The following NCALD variants were observed in gnomAD, a reference collection of about 807,000 sequenced individuals.
NCALD encodes the protein neurocalcin-delta.
Under a neutral mutation model 18.6 loss-of-function variants are expected in NCALD, and 10 were observed. The ratio of observed to expected loss-of-function variants is 0.54; its 90% CI spans 0.33 to 0.91. The LOEUF (loss-of-function observed/expected upper bound fraction) is 0.91. Ranked by LOEUF, NCALD falls within the 40% of genes least tolerant of loss-of-function variation. The probability of loss-of-function intolerance (pLI) is 0.03; values close to 1 mark genes in which losing one functional copy is unlikely to be tolerated. For synonymous variants in NCALD, 88 were observed against 87.4 expected (o/e 1.01, Z -0.04); for missense variants, 184 against 247.6 (o/e 0.74, Z 1.72).
chr8:101,783,126 A>G (rs900845720), intron 1 of NCALD, among the ~76,000 whole-genome samples: 2 of 152,222 alleles, frequency 1.3e-5, no homozygotes, highest in Admixed American at 6.5e-5. Context: ...CATGAAAGGA[A>G]TATTTTCATA....
At chr8:101,758,356 A>C (rs1213248548) in intron 1 of NCALD, among the ~76,000 whole-genome samples, 2 of 151,806 alleles carry the variant, frequency 1.3e-5, no homozygotes, top group African/African-American at 2.4e-5. Context: ...CACTGTTCCT[A>C]CTCATCCTGC....
At chr8:101,983,994 C>A (rs553056725) in intron 2 of NCALD, among the ~76,000 whole-genome samples, 3 of 152,190 alleles carry the variant, frequency 2.0e-5, no homozygotes, top group Admixed American at 6.5e-5. Context: ...GTAAATAGGT[C>A]TCTCCTGAAT....
intron 2 of NCALD, among the ~76,000 whole-genome samples, chr8:101,701,114 C>T (rs1262250857): frequency 2.6e-5 from 4 of 152,138 alleles, no homozygotes; most frequent in Admixed American, 1.3e-4. Flanking sequence ...GGGTGACAGC[C>T]CTGCAGAGCC....
chr8:102,063,061 G>T (rs1823898111), intron 1 of NCALD, among the ~76,000 whole-genome samples: 1 of 152,118 alleles, frequency 6.6e-6, no homozygotes, highest in Non-Finnish European at 1.5e-5. Context: ...TTATATGCTT[G>T]TAGTCTCATA....
At chr8:101,945,511 G>C (rs1170682679) in intron 2 of NCALD, among the ~76,000 whole-genome samples, 1 of 152,168 alleles carries the variant, frequency 6.6e-6, no homozygotes, top group African/African-American at 2.4e-5. Flanking sequence ...TTAATGACTG[G>C]AGTTGCTATC....
intron 1 of NCALD, among the ~76,000 whole-genome samples, chr8:102,026,096 C>A (rs1822444985): frequency 6.6e-6 from 1 of 152,182 alleles, no homozygotes; most frequent in African/African-American, 2.4e-5. Flanking sequence ...CCAGATCCCA[C>A]CTACAACACA....
intron 1 of NCALD, among the ~76,000 whole-genome samples, chr8:102,119,734 C>T (rs1325859720): frequency 6.6e-6 from 1 of 152,196 alleles, no homozygotes; most frequent in Non-Finnish European, 1.5e-5. Flanking sequence ...CCTACCTGCT[C>T]CAGATTCTAG....
intron 1 of NCALD, among the ~76,000 whole-genome samples, chr8:101,733,080 C>A (rs1816915532): frequency 6.6e-6 from 1 of 152,120 alleles, no homozygotes; most frequent in African/African-American, 2.4e-5. Flanking sequence ...TTCACCCTCA[C>A]CCCTTCCATG....
intron 1 of NCALD, among the ~76,000 whole-genome samples, chr8:101,784,312 A>G (rs1317309117): frequency 6.6e-6 from 1 of 152,126 alleles, no homozygotes; most frequent in Non-Finnish European, 1.5e-5. Flanking sequence ...TGGTGACTGG[A>G]TTCTAAGGGA....
intron 4 of NCALD, among the ~76,000 whole-genome samples, chr8:101,813,813 T>C (rs1398736589): frequency 1.3e-5 from 2 of 152,052 alleles, no homozygotes; most frequent in East Asian, 1.9e-4. Flanking sequence ...CTCTCAAGAT[T>C]AGAATTCATG....
intron 2 of NCALD, among the ~76,000 whole-genome samples, chr8:101,983,081 T>C (rs901202431): frequency 3.3e-5 from 5 of 152,146 alleles, no homozygotes; most frequent in African/African-American, 1.2e-4. Flanking sequence ...GGCTACATTC[T>C]ACCAGATACA....
chr8:101,917,264 A>G (rs1818003287), intron 2 of NCALD, among the ~76,000 whole-genome samples: 1 of 152,156 alleles, frequency 6.6e-6, no homozygotes, highest in Non-Finnish European at 1.5e-5. Flanking sequence ...CAATAAAATT[A>G]GGGCAGAAAT....
intron 2 of NCALD, among the ~76,000 whole-genome samples, chr8:101,961,953 A>C (rs956284140): frequency 9.8e-5 from 15 of 152,308 alleles, no homozygotes; most frequent in African/African-American, 3.6e-4. Context: ...CTGGCATTTC[A>C]CTCAGATATA....
chr8:101,692,068 A>G lies in NCALD; in HGVS notation c.484+723T>C, dbSNP rs1267919482. The G allele has an allele frequency of 3.1e-6, 3 of 967,048 alleles. No individual in the cohort carries two copies. The East Asian group carries it at 3.4e-4, about 111-fold the overall frequency. 59.9% of individuals were successfully genotyped at this position (967,048 alleles called of 1,614,324 possible). A position where few individuals can be genotyped will look rare whatever the true frequency, so the allele number is the denominator to read the frequency against. On this transcript the variant is annotated intron_variant, in intron 3 of 3. Coordinates refer to ENST00000220931, the MANE Select transcript of NCALD (RefSeq NM_032041.3). ...AGTGACTTTTTTAGTTGGCTAAACAATTGTTAGGCTAATCCTAACAACTGT... is the reference window on the plus strand; with the variant it reads ...AGTGACTTTTTTAGTTGGCTAAACAGTTGTTAGGCTAATCCTAACAACTGT...
At chr8:101,695,550 C>G (rs1477720001) in intron 2 of NCALD, among the ~76,000 whole-genome samples, 4 of 152,110 alleles carry the variant, frequency 2.6e-5, no homozygotes, top group Non-Finnish European at 5.9e-5. Flanking sequence ...GAGTGCTCAC[C>G]TACCCCATCT....
At chr8:102,087,475 T>TA (rs1824776504) in intron 1 of NCALD, among the ~76,000 whole-genome samples, 1 of 152,094 alleles carries the variant, frequency 6.6e-6, no homozygotes, top group Non-Finnish European at 1.5e-5. Context: ...TTAGGGGAGT[T>TA]AGAGTCTCTC....
intron 2 of NCALD, among the ~76,000 whole-genome samples, chr8:101,935,690 G>A (rs1818735113): frequency 6.6e-6 from 1 of 151,976 alleles, no homozygotes; most frequent in South Asian, 2.1e-4. Flanking sequence ...GAGAGAAAGT[G>A]GGGAGAGGAA....
upstream of NCALD, among the ~76,000 whole-genome samples, chr8:101,795,731 T>C (rs1333154536): frequency 6.6e-6 from 1 of 152,204 alleles, no homozygotes; most frequent in African/African-American, 2.4e-5. Context: ...TCTTAAATTA[T>C]TGGATGATTC....
At chr8:102,090,457 TTAGAA>T in intron 1 of NCALD, among the ~76,000 whole-genome samples, 1 of 152,158 alleles carries the variant, frequency 6.6e-6, no homozygotes, top group Admixed American at 6.5e-5. Context: ...GACTGTGAGA[TTAGAA>T]TAGAGGAAAA....
Sources: allele counts gnomAD v4.1 joint callset (sites outside exome capture counted in the v4.1 genomes callset), GRCh38; gene constraint gnomAD v4.1.1; transcripts MANE v1.5; gene names NCBI Gene and HGNC (gene_info 2026-07-23, HGNC 2026-07-21).